Variants in NRCAM observed in about 807,000 individuals in gnomAD.
NRCAM encodes the protein NgCAM-related cell adhesion molecule.
A neutral mutation model predicts 156.5 loss-of-function variants in NRCAM; 83 were observed. That is an observed-to-expected ratio of 0.53 (90% CI 0.44 to 0.64). The LOEUF (loss-of-function observed/expected upper bound fraction) is 0.64. Ranked by LOEUF, NRCAM falls within the 30% of genes least tolerant of loss-of-function variation. The pLI is 0.00. For synonymous variants in NRCAM, 538 were observed against 563.9 expected (o/e 0.95, Z 0.65); for missense variants, 1,417 against 1,597.3 (o/e 0.89, Z 1.92).
intron 2 of NRCAM, among the ~76,000 whole-genome samples, chr7:108,392,132 T>C (rs2099762323): frequency 1.3e-5 from 2 of 152,216 alleles, no homozygotes; most frequent in South Asian, 4.1e-4. Context: ...CCTTGCTATG[T>C]TGGGGAAGTT....
chr7:108,264,280 T>A (rs2097001408), intron 3 of NRCAM, among the ~76,000 whole-genome samples: 1 of 152,248 alleles, frequency 6.6e-6, no homozygotes, highest in Non-Finnish European at 1.5e-5. Context: ...CTGGTCTGCA[T>A]CTTCTTTTCT....
At position 108,184,255 on chromosome 7, in the gene NRCAM, C is replaced by A; in HGVS notation, c.2290G>T (p.Val764Leu). The A allele has an allele frequency of 6.2e-7, 1 of 1,614,006 alleles. No individual in the cohort carries two copies. The highest frequency in any genetic ancestry group is 8.5e-7 in the Non-Finnish European group (1 of 1,179,954). ...EGLGSEPDNLVITWKPLNGFE... is the reference protein window; with the variant it reads ...EGLGSEPDNLLITWKPLNGFE... Reference sequence around the variant, plus strand: ...TCATAGCTCACCTTCCACGTAATCACCAAATTATCAGGCTCTGATCCCAGT... The same window carrying A: ...TCATAGCTCACCTTCCACGTAATCAACAAATTATCAGGCTCTGATCCCAGT... The change falls in exon 22 of 33, where the codon GTG (valine) becomes TTG (leucine). Residue 764 changes from valine to leucine, a missense_variant. Val to Leu is a conservative substitution (Grantham distance 32, BLOSUM62 1). Coordinates refer to ENST00000379028, the MANE Select transcript of NRCAM (RefSeq NM_001037132.4).
intron 2 of NRCAM, among the ~76,000 whole-genome samples, chr7:108,369,759 T>C (rs977899810): frequency 6.6e-6 from 1 of 152,158 alleles, no homozygotes; most frequent in Non-Finnish European, 1.5e-5. Flanking sequence ...TGTTATCTTA[T>C]AATTAAGCAT....
chr7:108,240,059 C>T lies in NRCAM; in HGVS notation c.6G>A (p.Gln2=). 10 of 1,610,106 alleles carry T rather than the reference C, an allele frequency of 6.2e-6. No individual in the cohort carries two copies. Among genetic ancestry groups the T allele is most frequent in the Non-Finnish European group, 8.5e-6 (10 of 1,176,682 alleles). Residue 2 remains glutamine (Q), a synonymous_variant, in exon 4 of 33, where the codon CAG becomes CAA. Coordinates refer to ENST00000379028, the MANE Select transcript of NRCAM (RefSeq NM_001037132.4). ...GCTTCTTTTTCGGCATTATTTTAAG[C>T]TGCATTAGCTTAACTCCTGCTGAGA... M[Q]LKIMPKKKRL... is the part of the protein sequence containing the mutation.
intron 1 of NRCAM, among the ~76,000 whole-genome samples, chr7:108,422,346 G>A (rs182140942): frequency 6.6e-5 from 10 of 152,102 alleles, no homozygotes; most frequent in Admixed American, 5.9e-4. Flanking sequence ...TGTTTTGGGA[G>A]GTGGGACTAT....
At position 108,147,835 on chromosome 7, in the gene NRCAM, C is replaced by A. The variant is rs1334912490; in HGVS notation, c.*2075G>T. On this transcript the variant is annotated 3_prime_UTR_variant, in exon 33 of 33. Coordinates refer to ENST00000379028, the MANE Select transcript of NRCAM (RefSeq NM_001037132.4). ...ATCTGTTGCACTATTACAGAAGTGA[C>A]CCTTTCATGCACAGATAAATTTCGC... The A allele has an allele frequency of 6.6e-6, 1 of 152,606 alleles. No homozygotes were observed. Among genetic ancestry groups the A allele is most frequent in the Non-Finnish European group, 1.5e-5 (1 of 68,034 alleles). 9.5% of individuals were successfully genotyped at this position (152,606 alleles called of 1,614,324 possible).
chr7:108,186,668 T>C (rs1263814410), intron 20 of NRCAM, among the ~76,000 whole-genome samples: 2 of 152,244 alleles, frequency 1.3e-5, no homozygotes, highest in Non-Finnish European at 2.9e-5. Flanking sequence ...TACCTAATGT[T>C]TTCAGGTATT....
intron 1 of NRCAM, among the ~76,000 whole-genome samples, chr7:108,421,022 G>T (rs1035387462): frequency 2.6e-5 from 4 of 152,076 alleles, no homozygotes; most frequent in African/African-American, 9.7e-5. Context: ...GGAAAGCAAA[G>T]ACATAACTTC....
chr7:108,338,369 A>G (rs544401090), intron 2 of NRCAM, among the ~76,000 whole-genome samples: 1 of 152,236 alleles, frequency 6.6e-6, no homozygotes, highest in East Asian at 1.9e-4. Flanking sequence ...TTGTATCTCC[A>G]AAGGGATATA....
At chr7:108,261,641 T>A (rs10271382) in intron 3 of NRCAM, among the ~76,000 whole-genome samples, 1 of 152,134 alleles carries the variant, frequency 6.6e-6, no homozygotes, top group African/African-American at 2.4e-5. Flanking sequence ...TGTGCACCAC[T>A]TCAAAGTCCT....
chr7:108,350,631 T>C (rs899742008), intron 2 of NRCAM, among the ~76,000 whole-genome samples: 2 of 152,196 alleles, frequency 1.3e-5, no homozygotes, highest in Non-Finnish European at 2.9e-5. Context: ...TCTTTATTTT[T>C]TGTCTCACAT....
In NRCAM at chr7:108,252,057, A is replaced by G. The variant is rs115723669; in HGVS notation, c.-106-11887T>C. ...GAAATTCAGGGAGGTGGCATCAGAAAGAGTACCAGGGAGACCACTAAGACT... is the reference window on the plus strand; with the variant it reads ...GAAATTCAGGGAGGTGGCATCAGAAGGAGTACCAGGGAGACCACTAAGACT... On this transcript the variant is annotated intron_variant, in intron 3 of 32. Transcript: ENST00000379028. Among the ~76,000 whole-genome samples the G allele has an allele frequency of 6.0e-3, 912 of 152,372 alleles. 10 individuals carry two copies. Among genetic ancestry groups the G allele is most frequent in the African/African-American group, 0.021 (862 of 41,600 alleles).
At chr7:108,407,664 T>A (rs1417503890) in intron 1 of NRCAM, among the ~76,000 whole-genome samples, 1 of 152,218 alleles carries the variant, frequency 6.6e-6, no homozygotes, top group Non-Finnish European at 1.5e-5. Flanking sequence ...CTAGAAGTTA[T>A]GTGCTTACCC....
At chr7:108,272,269 T>A (rs776783899) in intron 3 of NRCAM, among the ~76,000 whole-genome samples, 9 of 152,208 alleles carry the variant, frequency 5.9e-5, no homozygotes, top group Non-Finnish European at 1.2e-4. Flanking sequence ...CGAATAGAAT[T>A]TCTTTATTCA....
rs1250839690 is a variant in NRCAM, at chr7:108,418,560, T to TATAC, written c.-331-18968_-331-18967insGTAT. 2.5e-3 allele frequency among the ~76,000 whole-genome samples: 353 copies of TATAC among 143,730 alleles called. 1 individual carries two copies. The highest frequency in any genetic ancestry group is 7.7e-3 in the African/African-American group (297 of 38,728). The allele number at this position is 143,730 out of a possible 152,430, so 94.3% of individuals were successfully genotyped here. A position where few individuals can be genotyped will look rare whatever the true frequency, so the allele number is the denominator to read the frequency against. On this transcript the variant is annotated intron_variant, in intron 1 of 32. Coordinates refer to ENST00000379028, the MANE Select transcript of NRCAM (RefSeq NM_001037132.4). The stretch of plus-strand genomic sequence containing the variant: ...GGTCTTTTATCTGGTATACATATTA[T>TATAC]ACACACACACACACACACACACACA...
intron 3 of NRCAM, among the ~76,000 whole-genome samples, chr7:108,277,834 C>G (rs1185150047): frequency 1.3e-5 from 2 of 152,170 alleles, no homozygotes; most frequent in Non-Finnish European, 2.9e-5. Context: ...TTTTTGGAAT[C>G]TTCAGCCTTT....
rs58732508 is a variant in NRCAM at position 108,189,361 on chromosome 7, T to C, written c.2035+284A>G. ...CTAACTTAAGGTGTATCTTCCTACA[T>C]GGTAGATATTTAAAGTGATTTTTAT... On this transcript the variant is annotated intron_variant, in intron 20 of 32. Transcript: ENST00000379028. 6.2e-3 allele frequency among the ~76,000 whole-genome samples: 946 copies of C among 152,318 alleles called. 9 individuals are homozygous for C. Among genetic ancestry groups the C allele is most frequent in the African/African-American group, 0.021 (886 of 41,564 alleles).
At chr7:108,372,744 C>T (rs929732957) in intron 2 of NRCAM, among the ~76,000 whole-genome samples, 12 of 152,108 alleles carry the variant, frequency 7.9e-5, no homozygotes, top group Non-Finnish European at 1.6e-4. Context: ...CCATTACACA[C>T]TTCATGGGCA....
At chr7:108,437,878 TAA>T (rs1420623399) in intron 1 of NRCAM, among the ~76,000 whole-genome samples, 3 of 151,896 alleles carry the variant, frequency 2.0e-5, no homozygotes, top group African/African-American at 7.3e-5. Context: ...TTATTAGAAT[TAA>T]GTTAGTATTA....
Sources: allele counts gnomAD v4.1 joint callset (sites outside exome capture counted in the v4.1 genomes callset), GRCh38; gene constraint gnomAD v4.1.1; transcripts MANE v1.5; gene names NCBI Gene and HGNC (gene_info 2026-07-23, HGNC 2026-07-21).